Variants in CHST9 observed in about 807,000 individuals in gnomAD.
The protein encoded by CHST9 is GalNAc-4-sulfotransferase 2.
CHST9 carries 41 observed loss-of-function variants against 44.4 expected under a neutral mutation model. The ratio of observed to expected loss-of-function variants is 0.92; its 90% confidence interval spans 0.72 to 1.20. CHST9 has a LOEUF of 1.20. Ranked by LOEUF, CHST9 falls within the 50% of genes most tolerant of loss-of-function variation. The pLI is 0.00. For synonymous variants in CHST9, 171 were observed against 178.4 expected (o/e 0.96, Z 0.33); for missense variants, 504 against 516.5 (o/e 0.98, Z 0.23).
chr18:26,994,652 CA>C (rs2056863872), intron 4 of CHST9, among the ~76,000 whole-genome samples: 1 of 152,096 alleles, frequency 6.6e-6, no homozygotes, highest in South Asian at 2.1e-4. Context: ...TGCAGTGGTG[CA>C]ACCTTGGCTC....
At chr18:26,950,570 A>C (rs867129360) in intron 4 of CHST9, among the ~76,000 whole-genome samples, 2 of 152,342 alleles carry the variant, frequency 1.3e-5, no homozygotes, top group Admixed American at 6.5e-5. Flanking sequence ...TGGCATTTGC[A>C]ACAACTTGGA....
chr18:26,950,724 A>C (rs560370168), intron 4 of CHST9, among the ~76,000 whole-genome samples: 9 of 152,274 alleles, frequency 5.9e-5, no homozygotes, highest in African/African-American at 2.2e-4. Flanking sequence ...CTCAGAGGGA[A>C]GGGTTGAGGG....
In CHST9 at chr18:27,056,255, T is replaced by C. The variant is rs147962546; in HGVS notation, c.122-7752A>G. ...GGCATTCTATTGACACTTAAATATT[T>C]CATTTAATTTTCCCAGTAAATGACT... is the stretch of plus-strand genomic sequence containing the variant. On this transcript the variant is annotated intron_variant, in intron 2 of 5. Transcript: ENST00000618847. 7.2e-5 allele frequency among the ~76,000 whole-genome samples: 11 copies of C among 152,352 alleles called. No individual in the cohort carries two copies. The East Asian group carries it at 2.1e-3, about 29-fold the overall frequency.
At chr18:27,169,028 T>C (rs1021565268) in intron 1 of CHST9, among the ~76,000 whole-genome samples, 3 of 152,274 alleles carry the variant, frequency 2.0e-5, no homozygotes, top group Middle Eastern at 3.4e-3. Context: ...ATCAGTCCTA[T>C]AGCTGCAAAA....
chr18:27,157,188 G>A (rs1473364698), intron 1 of CHST9, among the ~76,000 whole-genome samples: 1 of 152,040 alleles, frequency 6.6e-6, no homozygotes, highest in African/African-American at 2.4e-5. Flanking sequence ...TACCTATTTG[G>A]AAGATTGATT....
At chr18:27,184,411 G>C (rs963140324) in intron 1 of CHST9, among the ~76,000 whole-genome samples, 3 of 152,104 alleles carry the variant, frequency 2.0e-5, no homozygotes, top group Non-Finnish European at 2.9e-5. Flanking sequence ...ATGTTCAAAC[G>C]GGGCAGAAGA....
At chr18:26,941,582 G>A (rs2056082819) in intron 5 of CHST9, among the ~76,000 whole-genome samples, 2 of 150,988 alleles carry the variant, frequency 1.3e-5, no homozygotes, top group Admixed American at 1.3e-4. Flanking sequence ...ATCTCTACAA[G>A]TAACATTTTT....
intron 3 of CHST9, among the ~76,000 whole-genome samples, chr18:27,033,839 G>GTCC (rs1395073125): frequency 6.6e-6 from 1 of 152,168 alleles, no homozygotes; most frequent in African/African-American, 2.4e-5. Flanking sequence ...TAAATATGAA[G>GTCC]TCCTCCTCTT....
intron 2 of CHST9, among the ~76,000 whole-genome samples, chr18:27,082,984 G>T (rs537649381): frequency 6.6e-6 from 1 of 152,224 alleles, no homozygotes; most frequent in East Asian, 1.9e-4. Context: ...TCTTATGTTA[G>T]ACAGGTTATT....
At chr18:27,089,968 G>A (rs1000481147) in intron 2 of CHST9, among the ~76,000 whole-genome samples, 40 of 152,060 alleles carry the variant, frequency 2.6e-4, no homozygotes, top group East Asian at 1.5e-3. Context: ...CCACCACCAC[G>A]CCCGGCTAAT....
intron 4 of CHST9, among the ~76,000 whole-genome samples, chr18:26,971,369 AAC>A (rs2145170515): frequency 6.6e-6 from 1 of 152,346 alleles, no homozygotes; most frequent in South Asian, 2.1e-4. Flanking sequence ...TCACTCAACA[AAC>A]ACTTATGGAG....
intron 2 of CHST9, among the ~76,000 whole-genome samples, chr18:27,089,173 C>A (rs1212010151): frequency 6.6e-6 from 1 of 151,852 alleles, no homozygotes; most frequent in African/African-American, 2.4e-5. Flanking sequence ...TAAGTTCTAG[C>A]GTACATGTGC....
At chr18:26,956,977 T>C (rs1385854638) in intron 4 of CHST9, among the ~76,000 whole-genome samples, 3 of 152,224 alleles carry the variant, frequency 2.0e-5, no homozygotes, top group Non-Finnish European at 4.4e-5. Context: ...CAGCTGGTCT[T>C]GAGAATTAAA....
intron 4 of CHST9, among the ~76,000 whole-genome samples, chr18:27,003,519 G>C (rs1041490980): frequency 6.6e-6 from 1 of 152,086 alleles, no homozygotes; most frequent in Non-Finnish European, 1.5e-5. Context: ...GGTAATTTCC[G>C]CAGATAGGGT....
In CHST9 at chr18:26,991,897, A is replaced by G. The variant is rs2056820941; in HGVS notation, c.202+32219T>C. Among the ~76,000 whole-genome samples, 4 of 127,946 alleles carry G rather than the reference A, an allele frequency of 3.1e-5. 2 individuals carry two copies. The highest frequency in any genetic ancestry group is 1.1e-4 in the African/African-American group (4 of 37,892). The allele number at this position is 127,946 out of a possible 152,430, so 83.9% of individuals were successfully genotyped here. On this transcript the variant is annotated intron_variant, in intron 4 of 5. Coordinates refer to ENST00000618847, the MANE Select transcript of CHST9 (RefSeq NM_031422.6). Reference sequence around the variant, plus strand: ...GGAAGGGCTTTGAGAAGGAATGGACAAGAAGAACTCCTTTGAAGAGCATTG... The same window carrying G: ...GGAAGGGCTTTGAGAAGGAATGGACGAGAAGAACTCCTTTGAAGAGCATTG...
intron 4 of CHST9, among the ~76,000 whole-genome samples, chr18:26,986,752 T>G (rs1323479472): frequency 6.6e-6 from 1 of 152,092 alleles, no homozygotes; most frequent in Non-Finnish European, 1.5e-5. Flanking sequence ...TTGGAAACAA[T>G]GCATGTAAAA....
At chr18:27,117,064 T>C (rs2058329225) in intron 2 of CHST9, among the ~76,000 whole-genome samples, 1 of 152,118 alleles carries the variant, frequency 6.6e-6, no homozygotes, top group Admixed American at 6.5e-5. Context: ...ACTTTTTAAC[T>C]ATACGTTTCA....
At chr18:27,134,058 T>C (rs941755553) in intron 2 of CHST9, among the ~76,000 whole-genome samples, 3 of 152,156 alleles carry the variant, frequency 2.0e-5, no homozygotes, top group African/African-American at 7.2e-5. Flanking sequence ...ATGTAAAAAA[T>C]GGCTTTGTTC....
intron 1 of CHST9, among the ~76,000 whole-genome samples, chr18:27,184,088 T>A (rs2058935483): frequency 6.6e-6 from 1 of 152,160 alleles, no homozygotes; most frequent in Admixed American, 6.5e-5. Context: ...GGTAATACTC[T>A]CAATTATCAG....
Sources: gnomAD v4.1 joint callset for allele counts (sites outside exome capture counted in the v4.1 genomes callset) on GRCh38, gnomAD v4.1.1 for gene constraint, MANE v1.5 for transcripts, NCBI Gene and HGNC (gene_info 2026-07-23, HGNC 2026-07-21) for gene names.